The following ABCC12 variants were observed in gnomAD, a reference collection of about 807,000 sequenced individuals.
ABCC12 encodes the protein ATP binding cassette subfamily C member 12, also known as ATP-binding cassette sub-family C member 12.
A neutral mutation model predicts 151.1 loss-of-function variants in ABCC12; 142 were observed. That is an observed-to-expected ratio of 0.94 (90% CI 0.82 to 1.08). ABCC12 has a LOEUF of 1.08. Ranked by LOEUF, ABCC12 falls within the 50% of genes least tolerant of loss-of-function variation. The probability of loss-of-function intolerance (pLI) is 0.00; values close to 1 mark genes in which losing one functional copy is unlikely to be tolerated. For synonymous variants in ABCC12, 645 were observed against 646.4 expected (o/e 1.00, Z 0.03); for missense variants, 1,638 against 1,691.1 (o/e 0.97, Z 0.55).
Position 48,141,214 on chromosome 16 carries a change from T to G in ABCC12, c.415A>C (p.Ile139Leu), listed in dbSNP as rs752708208. 29 of 1,613,902 alleles carry G rather than the reference T, an allele frequency of 1.8e-5. No individual in the cohort carries two copies. The highest frequency in any genetic ancestry group is 1.7e-4 in the Middle Eastern group (1 of 6,058). Residue 139 changes from isoleucine to leucine, a missense_variant, in exon 5 of 31, where the codon ATA (isoleucine) becomes CTA (leucine). Transcript: ENST00000311303. ...ANILCIIMAA[I>L]GPTVLIHQIL... ...AGGGCTGCCGCACTCACCGGCCCTA[T>G]GGCTGCCATGATGATGCACAGGATG...
chr16:48,117,408 C>T (rs567530491), intron 13 of ABCC12, 75 bp from the exon 14 acceptor site: 120 of 1,527,692 alleles, frequency 7.9e-5, no homozygotes, highest in African/African-American at 6.8e-4. Context: ...CTTCCACAGG[C>T]GCTGCTGGTG....
At chr16:48,120,148 A>G (rs1450668669) in intron 13 of ABCC12, among the ~76,000 whole-genome samples, 1 of 152,234 alleles carries the variant, frequency 6.6e-6, no homozygotes, top group Non-Finnish European at 1.5e-5. Context: ...TGCAGCCGTA[A>G]AAAAGAACAA....
At chr16:48,084,287 T>C (rs1390112872) in intron 29 of ABCC12, among the ~76,000 whole-genome samples, 2 of 152,242 alleles carry the variant, frequency 1.3e-5, no homozygotes, top group Admixed American at 6.5e-5. Context: ...AGGAACTTGC[T>C]AGAGGGACAA....
chr16:48,135,074 C>T (rs1964562896), intron 8 of ABCC12, among the ~76,000 whole-genome samples: 1 of 151,926 alleles, frequency 6.6e-6, no homozygotes, highest in South Asian at 2.1e-4. Context: ...AAAAGATACC[C>T]CACCCTTTCA....
chr16:48,155,426 A>G (rs1293241247), intron 1 of ABCC12, among the ~76,000 whole-genome samples: 1 of 151,618 alleles, frequency 6.6e-6, no homozygotes, highest in Non-Finnish European at 1.5e-5. Flanking sequence ...TGAGAACTGC[A>G]GTAAAGCTTT....
intron 2 of ABCC12, among the ~76,000 whole-genome samples, chr16:48,149,007 G>A (rs1418939134): frequency 1.3e-5 from 2 of 151,842 alleles, no homozygotes; most frequent in Admixed American, 6.6e-5. Flanking sequence ...ATGAATAATA[G>A]TAAGTATGAG....
chr16:48,114,836 C>G (rs1428369472), intron 15 of ABCC12, among the ~76,000 whole-genome samples: 1 of 152,188 alleles, frequency 6.6e-6, no homozygotes, highest in Admixed American at 6.5e-5. Flanking sequence ...GAGGTCAAGC[C>G]CAGTCGCTTT....
At chr16:48,095,810 C>T (rs1207064771) in intron 24 of ABCC12, among the ~76,000 whole-genome samples, 1 of 152,128 alleles carries the variant, frequency 6.6e-6, no homozygotes, top group Admixed American at 6.5e-5. Context: ...AAAGAACTCA[C>T]AGCATCAAAC....
intron 24 of ABCC12, 83 bp downstream of exon 24, chr16:48,096,663 G>T: frequency 1.4e-6 from 2 of 1,422,468 alleles, no homozygotes; most frequent in Non-Finnish European, 9.8e-7. Context: ...TGGGGTTTTT[G>T]TTGTGTCCAT....
chr16:48,136,873 G>C (rs986165717), intron 8 of ABCC12, among the ~76,000 whole-genome samples: 1 of 152,162 alleles, frequency 6.6e-6, no homozygotes, highest in African/African-American at 2.4e-5. Context: ...GTTTCCTAAG[G>C]TTACAGTAAA....
chr16:48,087,854 C>T (rs1454393381), intron 27 of ABCC12, 72 bp downstream of exon 27: 3 of 1,518,782 alleles, frequency 2.0e-6, no homozygotes, highest in Non-Finnish European at 2.7e-6. Context: ...GCCCTGGGGA[C>T]ATCACAAAGT....
At chr16:48,088,836 A>G in intron 25 of ABCC12, 102 bp from the exon 26 acceptor site, 1 of 1,019,878 alleles carries the variant, frequency 9.8e-7, no homozygotes, top group Non-Finnish European at 1.4e-6. Context: ...ACTGCTATTC[A>G]TGGTGGTGAA....
intron 23 of ABCC12, among the ~76,000 whole-genome samples, chr16:48,098,755 G>A (rs1597305176): frequency 1.3e-5 from 2 of 152,192 alleles, no homozygotes; most frequent in Non-Finnish European, 2.9e-5. Context: ...GGTGGCAAAT[G>A]CAATACACGT....
chr16:48,107,463 A>G, intron 19 of ABCC12, 38 bp from the exon 20 acceptor site: 1 of 1,570,104 alleles, frequency 6.4e-7, no homozygotes, highest in Non-Finnish European at 8.8e-7. Context: ...GGCTGCAGAC[A>G]TGAGCACATG....
intron 13 of ABCC12, among the ~76,000 whole-genome samples, chr16:48,118,016 C>T (rs928424492): frequency 1.3e-5 from 2 of 152,172 alleles, no homozygotes; most frequent in African/African-American, 2.4e-5. Flanking sequence ...CTCAGCGTCA[C>T]GCTCTGCCTA....
chr16:48,128,418 G>A, intron 11 of ABCC12, 41 bp downstream of exon 11: 1 of 1,603,198 alleles, frequency 6.2e-7, no homozygotes, highest in Non-Finnish European at 8.5e-7. Context: ...TGTAATGCAA[G>A]GAGGAGGGCT....
intron 23 of ABCC12, 106 bp downstream of exon 23, chr16:48,100,762 TTGTC>T (rs1963275693): frequency 7.6e-7 from 1 of 1,315,524 alleles, no homozygotes; most frequent in Non-Finnish European, 1.0e-6. Flanking sequence ...TTCCAGCTCT[TTGTC>T]TGTGATCAGT....
chr16:48,134,366 G>T (rs1274003005), intron 8 of ABCC12, among the ~76,000 whole-genome samples: 1 of 152,184 alleles, frequency 6.6e-6, no homozygotes, highest in Non-Finnish European at 1.5e-5. Flanking sequence ...ACCCCTAGAA[G>T]TAAATGAGTA....
At chr16:48,114,923 G>A (rs907068208) in intron 15 of ABCC12, among the ~76,000 whole-genome samples, 1 of 152,190 alleles carries the variant, frequency 6.6e-6, no homozygotes, top group African/African-American at 2.4e-5. Context: ...CTCAGCCTTA[G>A]TCCCAAAGTC....
Sources: gnomAD v4.1 joint callset for allele counts (sites outside exome capture counted in the v4.1 genomes callset) on GRCh38, gnomAD v4.1.1 for gene constraint, MANE v1.5 for transcripts, NCBI Gene and HGNC (gene_info 2026-07-23, HGNC 2026-07-21) for gene names.